FNDC3B: variants seen among roughly 807,000 people sequenced by gnomAD.
The protein encoded by FNDC3B is fibronectin type III domain-containing protein 3B.
A neutral mutation model predicts 151.5 loss-of-function variants in FNDC3B; 12 were observed. The ratio of observed to expected loss-of-function variants is 0.08; its 90% CI spans 0.05 to 0.13. FNDC3B has a LOEUF of 0.13. FNDC3B is among the 10% of genes least tolerant of loss of function. FNDC3B has a pLI of 1.00. For synonymous variants in FNDC3B, 528 were observed against 549.0 expected, an observed-to-expected ratio of 0.96 and a Z score of 0.54; for missense variants, 1,214 against 1,505.3, an observed-to-expected ratio of 0.81 and a Z score of 3.20.
chr3:172,062,114 A>G (rs1227080616), intron 1 of FNDC3B, among the ~76,000 whole-genome samples: 1 of 152,154 alleles, frequency 6.6e-6, no homozygotes, highest in Non-Finnish European at 1.5e-5. Context: ...AATAAAGGAC[A>G]TGTCCGGAAG....
chr3:172,232,194 A>T (rs764856328), intron 4 of FNDC3B, among the ~76,000 whole-genome samples: 2 of 152,092 alleles, frequency 1.3e-5, no homozygotes, highest in African/African-American at 2.4e-5. Flanking sequence ...ATGGTCTTTA[A>T]TTGTAAGAAA....
intron 1 of FNDC3B, among the ~76,000 whole-genome samples, chr3:172,091,873 GGTGT>G (rs377450281): frequency 2.8e-4 from 35 of 124,814 alleles, no homozygotes; most frequent in South Asian, 2.5e-3. Flanking sequence ...ACTTTACTGG[GGTGT>G]GTGTGTGTGT....
chr3:172,050,948 A>G (rs546449848), intron 1 of FNDC3B, among the ~76,000 whole-genome samples: 21 of 152,144 alleles, frequency 1.4e-4, no homozygotes, highest in Non-Finnish European at 2.8e-4. Flanking sequence ...AGTGATACGA[A>G]GAATTATTAC....
intron 13 of FNDC3B, among the ~76,000 whole-genome samples, chr3:172,332,613 C>T (rs954523147): frequency 9.2e-5 from 14 of 152,054 alleles, no homozygotes; most frequent in African/African-American, 2.7e-4. Flanking sequence ...TGAATGAGTT[C>T]CCTGAGTTCA....
At chr3:172,169,125 G>A (rs1475199305) in intron 3 of FNDC3B, among the ~76,000 whole-genome samples, 1 of 151,602 alleles carries the variant, frequency 6.6e-6, no homozygotes, top group Non-Finnish European at 1.5e-5. Context: ...ACACCCCAGA[G>A]TGCATCACTG....
intron 4 of FNDC3B, among the ~76,000 whole-genome samples, chr3:172,235,434 T>A (rs1727102254): frequency 1.3e-5 from 2 of 152,178 alleles, no homozygotes; most frequent in Admixed American, 6.5e-5. Context: ...GGGATTAGGG[T>A]CTGTGTACCT....
chr3:172,253,693 G>A (rs976887614), intron 6 of FNDC3B, among the ~76,000 whole-genome samples: 1 of 152,134 alleles, frequency 6.6e-6, no homozygotes, highest in Non-Finnish European at 1.5e-5. Context: ...ACCATAACAT[G>A]TGACTTGTGT....
chr3:172,275,834 T>A (rs1237534492), intron 6 of FNDC3B, among the ~76,000 whole-genome samples: 2 of 152,008 alleles, frequency 1.3e-5, no homozygotes, highest in Non-Finnish European at 2.9e-5. Flanking sequence ...GTTTTTTTTT[T>A]AAAGGGAAGT....
intron 3 of FNDC3B, among the ~76,000 whole-genome samples, chr3:172,178,617 A>G (rs1379493744): frequency 6.6e-6 from 1 of 152,154 alleles, no homozygotes; most frequent in African/African-American, 2.4e-5. Flanking sequence ...GGGAGGAGGG[A>G]AAAGCGAAAG....
chr3:172,210,890 A>G (rs1452710727), intron 3 of FNDC3B, among the ~76,000 whole-genome samples: 1 of 152,226 alleles, frequency 6.6e-6, no homozygotes, highest in Non-Finnish European at 1.5e-5. Flanking sequence ...TGTTACCCAT[A>G]CATAGAATCA....
intron 3 of FNDC3B, among the ~76,000 whole-genome samples, chr3:172,219,129 G>A (rs1220196640): frequency 6.6e-6 from 1 of 152,068 alleles, no homozygotes; most frequent in Non-Finnish European, 1.5e-5. Context: ...ATATCCTAAG[G>A]GCCTTTGACC....
intron 1 of FNDC3B, among the ~76,000 whole-genome samples, chr3:172,041,415 T>TTC (rs1435719405): frequency 1.8e-4 from 3 of 16,952 alleles, no homozygotes; most frequent in Middle Eastern, 0.018. Context: ...TTCTCTCTCC[T>TTC]TCCTTCCTTC....
Position 172,344,071 on chromosome 3 carries a change from A to AT in FNDC3B, c.2078-13dup. 1 of 1,600,062 alleles carries AT rather than the reference A, an allele frequency of 6.2e-7. No individual in the cohort carries two copies. Among genetic ancestry groups the AT allele is most frequent in the Non-Finnish European group, 8.5e-7 (1 of 1,172,314 alleles). On this transcript the variant is annotated splice_polypyrimidine_tract_variant and intron_variant, in intron 18 of 25. Transcript: ENST00000415807. Reference sequence around the variant, plus strand: ...CACAAAGTGTTCTAAGATGAAAAAAATTCTTCATTCCCAGATGTTCCTGCA... The same window carrying AT: ...CACAAAGTGTTCTAAGATGAAAAAAATTTCTTCATTCCCAGATGTTCCTGCA...
intron 3 of FNDC3B, among the ~76,000 whole-genome samples, chr3:172,188,094 C>G (rs543422759): frequency 8.7e-5 from 13 of 149,912 alleles, no homozygotes; most frequent in Admixed American, 4.0e-4. Flanking sequence ...CTCCCAGGTT[C>G]AAGCGATTCT....
chr3:172,084,018 AAGCCTCTCCT>A (rs1718419557), intron 1 of FNDC3B, among the ~76,000 whole-genome samples: 1 of 152,152 alleles, frequency 6.6e-6, no homozygotes, highest in Non-Finnish European at 1.5e-5. Flanking sequence ...AAAAAAGTAA[AAGCCTCTCCT>A]AGAGTTCATG....
chr3:172,344,054 G>A, intron 18 of FNDC3B, 32 bp from the exon 19 acceptor site: 2 of 1,591,582 alleles, frequency 1.3e-6, no homozygotes, highest in Non-Finnish European at 1.7e-6. Context: ...AGCACAAAGT[G>A]TTCTAAGATG....
intron 11 of FNDC3B, among the ~76,000 whole-genome samples, chr3:172,325,948 C>A (rs1732320127): frequency 6.6e-6 from 1 of 152,134 alleles, no homozygotes; most frequent in African/African-American, 2.4e-5. Flanking sequence ...CTCAGCCTCC[C>A]AAGTAGCTGG....
chr3:172,320,406 A>G (rs1418737496), intron 11 of FNDC3B, among the ~76,000 whole-genome samples: 3 of 152,060 alleles, frequency 2.0e-5, no homozygotes, highest in Non-Finnish European at 2.9e-5. Flanking sequence ...TCTGAAAGAG[A>G]AGGAGGACAG....
intron 9 of FNDC3B, chr3:172,302,903 T>G (rs907567088): frequency 8.1e-6 from 1 of 124,118 alleles, no homozygotes; most frequent in Non-Finnish European, 1.6e-5. Flanking sequence ...TGTGTGAGAG[T>G]GTGTGTTTGT....
Sources: gnomAD v4.1 joint callset for allele counts (sites outside exome capture counted in the v4.1 genomes callset) on GRCh38, gnomAD v4.1.1 for gene constraint, MANE v1.5 for transcripts, NCBI Gene and HGNC (gene_info 2026-07-23, HGNC 2026-07-21) for gene names.